DAB1: variants seen among roughly 807,000 people sequenced by gnomAD.
DAB1 encodes DAB adaptor protein 1.
DAB1 carries 15 observed loss-of-function variants against 64.6 expected under a neutral mutation model. That is an observed-to-expected ratio of 0.23 (90% CI 0.16 to 0.36). The LOEUF (loss-of-function observed/expected upper bound fraction) is 0.36. Among genes scored for constraint, DAB1 ranks in the 10% least tolerant of loss-of-function variants. The pLI is 1.00. For missense variants in DAB1, 596 were observed against 706.7 expected (o/e 0.84, Z 1.78); for synonymous variants, 235 against 251.9 (o/e 0.93, Z 0.64).
At chr1:57,667,691 T>C (rs1024852554) in intron 6 of DAB1, among the ~76,000 whole-genome samples, 5 of 152,104 alleles carry the variant, frequency 3.3e-5, no homozygotes, top group Admixed American at 1.3e-4. Flanking sequence ...GAATACTATA[T>C]AGCCATAAAA....
chr1:58,174,426 A>T (rs1656347722), intron 4 of DAB1, among the ~76,000 whole-genome samples: 1 of 152,084 alleles, frequency 6.6e-6, no homozygotes, highest in African/African-American at 2.4e-5. Flanking sequence ...TCAAATAACA[A>T]CTTCTACCAA....
chr1:57,303,574 G>A (rs1383664111), intron 1 of DAB1, among the ~76,000 whole-genome samples: 1 of 152,188 alleles, frequency 6.6e-6, no homozygotes, highest in Non-Finnish European at 1.5e-5. Flanking sequence ...AAGATGAACA[G>A]GGAGAAGCCA....
chr1:57,248,652 C>T (rs1336838703), intron 2 of DAB1, among the ~76,000 whole-genome samples: 2 of 152,174 alleles, frequency 1.3e-5, no homozygotes, highest in Non-Finnish European at 2.9e-5. Context: ...CCGTGTAATT[C>T]TCAGCACATA....
At chr1:58,418,978 A>G (rs1340934697) in intron 3 of DAB1, among the ~76,000 whole-genome samples, 1 of 152,172 alleles carries the variant, frequency 6.6e-6, no homozygotes, top group East Asian at 1.9e-4. Flanking sequence ...TTATGGAGAT[A>G]GATGTTAGGG....
chr1:57,420,257 C>A (rs953991538), intron 1 of DAB1, among the ~76,000 whole-genome samples: 2 of 152,198 alleles, frequency 1.3e-5, no homozygotes, highest in African/African-American at 4.8e-5. Context: ...GCTGGGATCA[C>A]TTCCTCACTC....
At chr1:57,628,745 T>A (rs1367886704) in intron 7 of DAB1, among the ~76,000 whole-genome samples, 1 of 152,210 alleles carries the variant, frequency 6.6e-6, no homozygotes. Flanking sequence ...ATTTCCTATT[T>A]TGTTTCCAGG....
chr1:57,855,395 T>A (rs1419609306), intron 1 of DAB1, among the ~76,000 whole-genome samples: 4 of 152,146 alleles, frequency 2.6e-5, no homozygotes, highest in South Asian at 2.1e-4. Flanking sequence ...GGAGCTGGCA[T>A]TCTAGGTAAG....
intron 2 of DAB1, among the ~76,000 whole-genome samples, chr1:57,172,663 A>C (rs879804829): frequency 7.9e-5 from 12 of 152,130 alleles, no homozygotes; most frequent in Admixed American, 7.2e-4. Flanking sequence ...ATGAGAAAGA[A>C]AGGAAGCGAT....
At chr1:58,169,869 G>A (rs1479313515) in intron 4 of DAB1, among the ~76,000 whole-genome samples, 3 of 152,124 alleles carry the variant, frequency 2.0e-5, no homozygotes, top group Admixed American at 6.5e-5. Flanking sequence ...GATTTGGCCC[G>A]ACCCAGGTAC....
intron 7 of DAB1, among the ~76,000 whole-genome samples, chr1:57,515,955 T>G (rs1021258022): frequency 6.6e-6 from 1 of 152,238 alleles, no homozygotes; most frequent in Admixed American, 6.5e-5. Flanking sequence ...CCATTGAAGA[T>G]TCCCTGAGCA....
chr1:58,347,877 G>T (rs1644016785), intron 3 of DAB1, among the ~76,000 whole-genome samples: 1 of 152,176 alleles, frequency 6.6e-6, no homozygotes, highest in African/African-American at 2.4e-5. Flanking sequence ...GCTCCCAACA[G>T]TCAGCCCCTC....
chr1:58,356,484 A>C (rs902121692), intron 3 of DAB1, among the ~76,000 whole-genome samples: 2 of 152,178 alleles, frequency 1.3e-5, no homozygotes, highest in African/African-American at 4.8e-5. Context: ...GAGCTAATTT[A>C]GATTATATCA....
intron 6 of DAB1, among the ~76,000 whole-genome samples, chr1:57,774,058 G>C (rs1056562306): frequency 2.6e-5 from 4 of 151,778 alleles, no homozygotes; most frequent in Non-Finnish European, 5.9e-5. Context: ...AATTTTGATT[G>C]AGATCTCCTT....
chr1:57,290,261 A>T (rs944321720), intron 2 of DAB1, among the ~76,000 whole-genome samples: 1 of 152,006 alleles, frequency 6.6e-6, no homozygotes, highest in East Asian at 1.9e-4. Flanking sequence ...AAAAAAAAAA[A>T]TGAAGAGCAA....
chr1:57,121,939 G>A (rs980274679), intron 4 of DAB1, among the ~76,000 whole-genome samples: 1 of 152,148 alleles, frequency 6.6e-6, no homozygotes, highest in East Asian at 1.9e-4. Flanking sequence ...GGTTGTGGGG[G>A]GTCAGCCGGA....
intron 5 of DAB1, among the ~76,000 whole-genome samples, chr1:57,965,186 A>G (rs1645633172): frequency 6.6e-6 from 1 of 150,932 alleles, no homozygotes; most frequent in South Asian, 2.1e-4. Context: ...ACAAAGTCAG[A>G]TCGTAGAGAG....
intron 2 of DAB1, among the ~76,000 whole-genome samples, chr1:58,514,439 G>A (rs1298788705): frequency 6.6e-6 from 1 of 152,128 alleles, no homozygotes; most frequent in Non-Finnish European, 1.5e-5. Context: ...GAAATGCAAA[G>A]ATGAAAAGTA....
chr1:57,969,773 A>T (rs1451049739), intron 5 of DAB1, among the ~76,000 whole-genome samples: 3 of 152,188 alleles, frequency 2.0e-5, no homozygotes, highest in Admixed American at 2.0e-4. Flanking sequence ...GATTCTACCT[A>T]GTTATTAACT....
intron 14 of DAB1, among the ~76,000 whole-genome samples, chr1:57,008,435 T>C (rs1485176384): frequency 6.6e-6 from 1 of 152,126 alleles, no homozygotes; most frequent in Non-Finnish European, 1.5e-5. Context: ...ATGATGATAA[T>C]GATGATGGTG....
Sources: gnomAD v4.1 joint callset for allele counts (sites outside exome capture counted in the v4.1 genomes callset) on GRCh38, gnomAD v4.1.1 for gene constraint, MANE v1.5 for transcripts, NCBI Gene and HGNC (gene_info 2026-07-23, HGNC 2026-07-21) for gene names.